PARP12: variants seen among roughly 807,000 people sequenced by gnomAD.
The protein encoded by PARP12 is poly(ADP-ribose) polymerase family member 12.
A neutral mutation model predicts 72.4 loss-of-function variants in PARP12; 59 were observed. That is an observed-to-expected ratio of 0.81 (90% CI 0.66 to 1.01). The LOEUF (loss-of-function observed/expected upper bound fraction) is 1.01, where lower values mean the gene tolerates loss of function less well. Among genes scored for constraint, PARP12 ranks in the 50% least tolerant of loss-of-function variants. The probability of loss-of-function intolerance (pLI) is 0.00; values close to 1 mark genes in which losing one functional copy is unlikely to be tolerated. For synonymous variants in PARP12, 403 were observed against 371.4 expected, an observed-to-expected ratio of 1.09 and a Z score of -0.98; for missense variants, 851 against 914.0, an observed-to-expected ratio of 0.93 and a Z score of 0.89.
intron 6 of PARP12, chr7:140,038,399 G>A: frequency 1.3e-6 from 1 of 786,170 alleles, no homozygotes; most frequent in Non-Finnish European, 1.5e-6. Context: ...GCTTCAGCTG[G>A]AGTGAGTTTG....
chr7:140,047,072 T>G, intron 4 of PARP12, 65 bp from the exon 5 acceptor site: 1 of 1,518,948 alleles, frequency 6.6e-7, no homozygotes, highest in Non-Finnish European at 8.8e-7. Context: ...GCCTTGTGGT[T>G]GTCAACAGGT....
chr7:140,057,312 G>GCTAACAAATGC lies in PARP12; in HGVS notation c.463-170_463-160dup. On this transcript the variant is annotated intron_variant, in intron 2 of 11. Transcript: ENST00000263549. ...ACATCCCTCACTCTAGATGACGGCT[G>GCTAACAAATGC]CTAACAAATGCCCTTGGCTAAAAGG... 7.0e-6 allele frequency: 5 copies of GCTAACAAATGC among 710,896 alleles called. No individual in the cohort carries two copies. In the South Asian group the frequency reaches 7.6e-5, roughly 11 times the overall value. 44.0% of individuals were successfully genotyped at this position (710,896 alleles called of 1,614,324 possible). A position where few individuals can be genotyped will look rare whatever the true frequency, so the allele number is the denominator to read the frequency against.
rs1287811918 is a variant in PARP12, at chr7:140,056,961, G to A, written c.655C>T (p.Leu219=). 2 of 1,614,098 alleles carry A rather than the reference G, an allele frequency of 1.2e-6. No homozygotes were observed. Among genetic ancestry groups the A allele is most frequent in the South Asian group, 1.1e-5 (1 of 91,078 alleles). The part of the protein sequence containing the change: ...KLEKLGMSSD[L]VSRLPTIYRN... ...TAAATGGTAGGCAGCCTGCTCACCA[G>A]GTCTGAGCTCATACCCAACTTCTCC... The change falls in exon 3 of 12, where the codon CTG becomes TTG. Residue 219 remains leucine, a synonymous_variant. Transcript: ENST00000263549.
At position 140,062,516 on chromosome 7, in the gene PARP12, C is replaced by A; in HGVS notation, c.326+6G>T. On this transcript the variant is annotated splice_donor_region_variant and intron_variant, in intron 1 of 11. Transcript: ENST00000263549. ...GCCCGCCGTCGCTCCCGGCGCGGCG[C>A]CTTACCCGGCTCTCAGGAACTTGCA... 1.3e-6 allele frequency: 2 copies of A among 1,541,644 alleles called. No homozygotes were observed. Among genetic ancestry groups the A allele is most frequent in the Non-Finnish European group, 1.7e-6 (2 of 1,148,524 alleles).
At chr7:140,035,836 G>T (rs1289667176) in intron 7 of PARP12, among the ~76,000 whole-genome samples, 2 of 151,932 alleles carry the variant, frequency 1.3e-5, no homozygotes, top group African/African-American at 2.4e-5. Flanking sequence ...TCTACCAAAA[G>T]AAGGAGGAGG....
intron 10 of PARP12, 50 bp from the exon 11 acceptor site, chr7:140,026,398 A>T (rs1815739928): frequency 6.3e-7 from 1 of 1,575,328 alleles, no homozygotes. Flanking sequence ...CCGGCCACCA[A>T]ATACAGCCGG....
At chr7:140,029,828 T>C (rs1008466381) in intron 8 of PARP12, among the ~76,000 whole-genome samples, 1 of 152,120 alleles carries the variant, frequency 6.6e-6, no homozygotes, top group Non-Finnish European at 1.5e-5. Context: ...AGCTGAAACA[T>C]ATGTGAAATG....
intron 4 of PARP12, among the ~76,000 whole-genome samples, chr7:140,047,214 A>C (rs1474780532): frequency 6.6e-6 from 1 of 152,238 alleles, no homozygotes; most frequent in African/African-American, 2.4e-5. Context: ...TATGATTTAA[A>C]TGTCTGTCCC....
At chr7:140,062,042 C>T (rs923504782) in intron 1 of PARP12, among the ~76,000 whole-genome samples, 1 of 151,554 alleles carries the variant, frequency 6.6e-6, no homozygotes, top group African/African-American at 2.4e-5. Context: ...ACCAGTGCCC[C>T]AGGACCTTGT....
intron 1 of PARP12, among the ~76,000 whole-genome samples, chr7:140,061,988 G>C (rs1331222932): frequency 1.3e-5 from 2 of 150,942 alleles, no homozygotes; most frequent in African/African-American, 2.4e-5. Context: ...ATGCCCGGGG[G>C]GGGGGGGGTG....
intron 7 of PARP12, 21 bp downstream of exon 7, chr7:140,037,694 C>T (rs748467867): frequency 1.5e-5 from 24 of 1,611,468 alleles, no homozygotes; most frequent in African/African-American, 9.3e-5. Flanking sequence ...CTCTGCTGGG[C>T]GAGGGCAGGG....
At chr7:140,045,950 A>G in intron 5 of PARP12, among the ~76,000 whole-genome samples, 1 of 152,182 alleles carries the variant, frequency 6.6e-6, no homozygotes, top group Middle Eastern at 3.2e-3. Flanking sequence ...CAGGCAAGAC[A>G]GAGATCTATG....
intron 4 of PARP12, among the ~76,000 whole-genome samples, chr7:140,048,962 C>T (rs533146990): frequency 6.6e-6 from 1 of 152,142 alleles, no homozygotes; most frequent in African/African-American, 2.4e-5. Context: ...ACTGAGTGTC[C>T]TTTGTACATT....
rs763176995 is a variant in PARP12 at position 140,062,811 on chromosome 7, C to T, written c.37G>A (p.Val13Met). Residue 13 changes from valine to methionine, a missense_variant, in exon 1 of 12, where the codon GTG becomes ATG. Physicochemically the swap from Val to Met is conservative, Grantham distance 21 (BLOSUM62 1). Coordinates refer to ENST00000263549, the MANE Select transcript of PARP12 (RefSeq NM_022750.4). ...AGGGCGCCCCCGGCCGCGCACAGCACCTGGGTGACCTCACCGACGACGCCG... is the reference window on the plus strand; with the variant it reads ...AGGGCGCCCCCGGCCGCGCACAGCATCTGGGTGACCTCACCGACGACGCCG... ...QAGVVGEVTQ[V>M]LCAAGGALEL... 65 of 1,411,336 alleles carry T rather than the reference C, an allele frequency of 4.6e-5. No homozygotes were observed. The African/African-American group carries it at 7.5e-4, about 16-fold the overall frequency. 87.4% of individuals were successfully genotyped at this position (1,411,336 alleles called of 1,614,324 possible). A position where few individuals can be genotyped will look rare whatever the true frequency, so the allele number is the denominator to read the frequency against.
intron 9 of PARP12, 84 bp downstream of exon 9, chr7:140,028,529 G>T: frequency 3.3e-6 from 4 of 1,215,254 alleles, no homozygotes; most frequent in East Asian, 2.8e-5. Context: ...CTTCTTCAGT[G>T]TTGAGGAATG....
At chr7:140,028,480 G>T in intron 9 of PARP12, 133 bp downstream of exon 9, 1 of 725,608 alleles carries the variant, frequency 1.4e-6, no homozygotes, top group Non-Finnish European at 2.1e-6. Context: ...GCCCACATCT[G>T]TCACTGCCCT....
chr7:140,027,498 C>T, intron 9 of PARP12, 92 bp from the exon 10 acceptor site: 2 of 1,490,998 alleles, frequency 1.3e-6, no homozygotes, highest in East Asian at 2.4e-5. Flanking sequence ...ACTAGAACCG[C>T]AGAAGCACAA....
intron 5 of PARP12, among the ~76,000 whole-genome samples, chr7:140,042,094 A>C (rs1355611664): frequency 6.6e-6 from 1 of 152,226 alleles, no homozygotes; most frequent in Non-Finnish European, 1.5e-5. Flanking sequence ...TGCTGGTGAA[A>C]TCATTCTTTT....
intron 8 of PARP12, 193 bp from the exon 9 acceptor site, chr7:140,028,881 G>C (rs1815836002): frequency 6.6e-6 from 3 of 454,190 alleles, no homozygotes; most frequent in Non-Finnish European, 1.2e-5. Flanking sequence ...TGCCTATGTA[G>C]CCAAACTCCA....
Sources: gnomAD v4.1 joint callset for allele counts (sites outside exome capture counted in the v4.1 genomes callset) on GRCh38, gnomAD v4.1.1 for gene constraint, MANE v1.5 for transcripts, NCBI Gene and HGNC (gene_info 2026-07-23, HGNC 2026-07-21) for gene names.